FRMD4B: variants seen among roughly 807,000 people sequenced by gnomAD.
FRMD4B encodes FERM domain containing 4B.
Under a neutral mutation model 141.5 loss-of-function variants are expected in FRMD4B, and 74 were observed. That is an observed-to-expected ratio of 0.52 (90% CI 0.43 to 0.63). The LOEUF is 0.63. FRMD4B is among the 30% of genes least tolerant of loss of function. FRMD4B has a pLI of 0.00. For synonymous variants in FRMD4B, 506 were observed against 467.9 expected (o/e 1.08, Z -1.05); for missense variants, 1,366 against 1,253.4 (o/e 1.09, Z -1.36).
chr3:69,213,460 T>C (rs528422192), intron 11 of FRMD4B, among the ~76,000 whole-genome samples: 1 of 152,146 alleles, frequency 6.6e-6, no homozygotes, highest in East Asian at 1.9e-4. Context: ...TATTATTGAT[T>C]AGAAATTAGG....
rs576850230 is a variant in FRMD4B at position 69,318,222 on chromosome 3, G to A, written c.163-4705C>T. ...TCTCCTGGGCTCAAGCAACCTGCCC[G>A]CCTTGGACTTCCAAAGTATTGGGAT... On this transcript the variant is annotated intron_variant, in intron 1 of 22. Transcript: ENST00000398540. Among the ~76,000 whole-genome samples the A allele has an allele frequency of 1.9e-3, 296 of 152,160 alleles. 1 individual carries two copies. The highest frequency in any genetic ancestry group is 3.1e-3 in the Non-Finnish European group (214 of 68,018).
chr3:69,316,936 A>G (rs1701820341), intron 1 of FRMD4B, among the ~76,000 whole-genome samples: 1 of 152,238 alleles, frequency 6.6e-6, no homozygotes, highest in Non-Finnish European at 1.5e-5. Flanking sequence ...AGCCTGGCCA[A>G]CATGGTGAAA....
chr3:69,182,782 A>T (rs912565500), intron 19 of FRMD4B, 65 bp from the exon 20 acceptor site: 8 of 1,517,034 alleles, frequency 5.3e-6, no homozygotes, highest in Middle Eastern at 1.9e-4. Context: ...CAAACTTGTC[A>T]TAAGCAGATA....
chr3:69,468,072 GCTATCA>G lies in FRMD4B; in HGVS notation c.-128-35317_-128-35312del, dbSNP rs143108959. On this transcript the variant is annotated intron_variant, in intron 1 of 5. Transcript: ENST00000459638. ...AAGAGCAAATGTGCAATAAATGTTA[GCTATCA>G]CTTGAAACATGAAAACAGATCAAAT... 3.2e-3 allele frequency among the ~76,000 whole-genome samples: 486 copies of G among 152,328 alleles called. 2 individuals are homozygous for G. Among genetic ancestry groups the G allele is most frequent in the African/African-American group, 0.011 (467 of 41,584 alleles).
chr3:69,194,064 T>C (rs1161611964), intron 16 of FRMD4B, among the ~76,000 whole-genome samples, 191 bp from the exon 17 acceptor site: 2 of 152,252 alleles, frequency 1.3e-5, no homozygotes, highest in Non-Finnish European at 2.9e-5. Flanking sequence ...AACTTCTCAT[T>C]AGTCCAAACC....
chr3:69,478,721 C>G (rs1057041594), intron 1 of FRMD4B, among the ~76,000 whole-genome samples: 1 of 152,140 alleles, frequency 6.6e-6, no homozygotes, highest in African/African-American at 2.4e-5. Context: ...TCTATTAGGT[C>G]TGCTTGGTGC....
chr3:69,207,723 A>C (rs1427098277), intron 11 of FRMD4B, among the ~76,000 whole-genome samples: 1 of 151,488 alleles, frequency 6.6e-6, no homozygotes, highest in Non-Finnish European at 1.5e-5. Flanking sequence ...CAGGAGAATC[A>C]CTTGAACTTG....
intron 17 of FRMD4B, among the ~76,000 whole-genome samples, chr3:69,193,256 G>A (rs1053319100): frequency 2.6e-4 from 39 of 152,098 alleles, no homozygotes; most frequent in African/African-American, 9.2e-4. Flanking sequence ...TGCCTGTAAT[G>A]CCAGCACTTT....
At chr3:69,265,049 A>G (rs1481410294) in intron 5 of FRMD4B, among the ~76,000 whole-genome samples, 3 of 149,876 alleles carry the variant, frequency 2.0e-5, no homozygotes, top group Non-Finnish European at 4.4e-5. Flanking sequence ...AGGTCAGGAG[A>G]TCGAGACCAT....
At chr3:69,370,321 G>A (rs1703790378) in intron 1 of FRMD4B, among the ~76,000 whole-genome samples, 1 of 152,126 alleles carries the variant, frequency 6.6e-6, no homozygotes, top group South Asian at 2.1e-4. Flanking sequence ...CACAGGGCCG[G>A]GTGCAGGAAA....
chr3:69,495,811 A>G (rs1291541380), intron 1 of FRMD4B, among the ~76,000 whole-genome samples: 1 of 152,134 alleles, frequency 6.6e-6, no homozygotes, highest in Non-Finnish European at 1.5e-5. Flanking sequence ...CATACAATAT[A>G]TTTTATTGTT....
intron 1 of FRMD4B, among the ~76,000 whole-genome samples, chr3:69,355,235 C>T (rs1283139087): frequency 6.6e-6 from 1 of 152,068 alleles, no homozygotes; most frequent in African/African-American, 2.4e-5. Context: ...AGGGAGAGCA[C>T]AAGGCAGAAA....
At chr3:69,442,482 A>G (rs1183223395) in intron 1 of FRMD4B, among the ~76,000 whole-genome samples, 1 of 152,138 alleles carries the variant, frequency 6.6e-6, no homozygotes, top group Admixed American at 6.5e-5. Context: ...TGATTCCACA[A>G]ACCAGGGGTG....
In FRMD4B at chr3:69,522,228, G is replaced by A. The variant is rs764788386; in HGVS notation, c.-129+19978C>T. Among the ~76,000 whole-genome samples the A allele has an allele frequency of 4.0e-4, 61 of 152,032 alleles. 1 individual carries two copies. Among genetic ancestry groups the A allele is most frequent in the East Asian group, 1.9e-4 (1 of 5,170 alleles). ...GCACATCAAAGGTTGCTTTCTCATC[G>A]TTTCCAGATCTGATGCAGGTCAGCT... On this transcript the variant is annotated intron_variant, in intron 1 of 5. Coordinates refer to the FRMD4B transcript ENST00000459638.
chr3:69,212,270 G>C (rs1469770801), intron 11 of FRMD4B, among the ~76,000 whole-genome samples: 11 of 134,948 alleles, frequency 8.2e-5, no homozygotes, highest in Non-Finnish European at 1.7e-4. Flanking sequence ...TGAGGTAGGA[G>C]AATCACTTGA....
Position 69,250,106 on chromosome 3 carries a change from A to C in FRMD4B, c.502-7T>G. ...TCTCTACTTCGATTTGCCCCTGTTGATGGAAAAGGAAAGCATCATTGAACA... is the reference window on the plus strand; with the variant it reads ...TCTCTACTTCGATTTGCCCCTGTTGCTGGAAAAGGAAAGCATCATTGAACA... On this transcript the variant is annotated splice_region_variant and splice_polypyrimidine_tract_variant and intron_variant, in intron 5 of 22. Coordinates refer to ENST00000398540, the MANE Select transcript of FRMD4B (RefSeq NM_015123.3). 1.9e-6 allele frequency: 3 copies of C among 1,599,230 alleles called. No individual in the cohort carries two copies. Among genetic ancestry groups the C allele is most frequent in the Non-Finnish European group, 2.6e-6 (3 of 1,166,470 alleles).
At chr3:69,293,609 C>T (rs1270035914) in intron 4 of FRMD4B, among the ~76,000 whole-genome samples, 6 of 151,974 alleles carry the variant, frequency 3.9e-5, no homozygotes, top group African/African-American at 9.7e-5. Context: ...TCTGGCCAGG[C>T]GCGGCTCATG....
chr3:69,265,266 AAAAATATATATATATATAT>A (rs1185113274), intron 5 of FRMD4B, among the ~76,000 whole-genome samples: 600 of 18,518 alleles, frequency 0.032, 115 homozygotes, highest in Admixed American at 0.073. Context: ...AAAAAAAAAA[AAAAATATATATATATATAT>A]ATATATATAT....
chr3:69,522,344 A>T (rs553889597), intron 1 of FRMD4B, among the ~76,000 whole-genome samples: 15 of 151,852 alleles, frequency 9.9e-5, no homozygotes, highest in Non-Finnish European at 2.2e-4. Context: ...GATCTTCTCT[A>T]TCCAGAAGTC....
Sources: gnomAD v4.1 joint callset for allele counts (sites outside exome capture counted in the v4.1 genomes callset) on GRCh38, gnomAD v4.1.1 for gene constraint, MANE v1.5 for transcripts, NCBI Gene and HGNC (gene_info 2026-07-23, HGNC 2026-07-21) for gene names.